The following GRXCR1 variants were observed in gnomAD, a reference collection of about 807,000 sequenced individuals.
The protein encoded by GRXCR1 is glutaredoxin domain-containing cysteine-rich protein 1.
GRXCR1 carries 27 observed loss-of-function variants against 27.3 expected under a neutral mutation model. The observed-to-expected ratio is 0.99, with a 90% CI of 0.73 to 1.37. GRXCR1 has a LOEUF of 1.37. Ranked by LOEUF, GRXCR1 falls within the 40% of genes most tolerant of loss-of-function variation. The pLI is 0.00. For missense variants in GRXCR1, 379 were observed against 354.4 expected (o/e 1.07, Z -0.56); for synonymous variants, 122 against 131.1 (o/e 0.93, Z 0.47).
chr4:43,014,220 C>T (rs9968514), intron 2 of GRXCR1, among the ~76,000 whole-genome samples: 14,757 of 152,068 alleles, frequency 0.097, 1,488 homozygotes, highest in African/African-American at 0.26. Flanking sequence ...TGAACATTTT[C>T]CAGGCCTAAG....
chr4:42,918,002 A>C (rs1454656730), intron 1 of GRXCR1, among the ~76,000 whole-genome samples: 1 of 152,090 alleles, frequency 6.6e-6, no homozygotes, highest in Non-Finnish European at 1.5e-5. Context: ...ATATATTGAA[A>C]CTGAAATATA....
At chr4:42,990,037 T>A (rs541194632) in intron 2 of GRXCR1, among the ~76,000 whole-genome samples, 3 of 152,000 alleles carry the variant, frequency 2.0e-5, no homozygotes, top group Non-Finnish European at 4.4e-5. Flanking sequence ...GAGCATAGTA[T>A]ATAGCAGTTC....
chr4:42,906,504 G>A (rs1746596077), intron 1 of GRXCR1, among the ~76,000 whole-genome samples: 1 of 152,056 alleles, frequency 6.6e-6, no homozygotes, highest in Admixed American at 6.6e-5. Context: ...GTCACCTCAG[G>A]GGCTCCACAG....
At chr4:42,929,237 G>A (rs1004860553) in intron 1 of GRXCR1, among the ~76,000 whole-genome samples, 2 of 151,934 alleles carry the variant, frequency 1.3e-5, no homozygotes, top group African/African-American at 2.4e-5. Context: ...CTGTGAACAA[G>A]AGGCACCATT....
intron 1 of GRXCR1, among the ~76,000 whole-genome samples, chr4:42,914,918 A>G (rs1746851032): frequency 6.6e-6 from 1 of 150,696 alleles, no homozygotes; most frequent in South Asian, 2.1e-4. Flanking sequence ...CCTTTGCTTG[A>G]CTCTCATTTT....
chr4:42,904,052 T>A (rs1399512014), intron 1 of GRXCR1, among the ~76,000 whole-genome samples: 1 of 152,220 alleles, frequency 6.6e-6, no homozygotes, highest in Non-Finnish European at 1.5e-5. Flanking sequence ...CATGTAGGAA[T>A]GGACAGGGAG....
At chr4:42,949,162 T>C (rs1322490891) in intron 1 of GRXCR1, among the ~76,000 whole-genome samples, 2 of 151,656 alleles carry the variant, frequency 1.3e-5, no homozygotes, top group Non-Finnish European at 2.9e-5. Context: ...GAGACCCTCC[T>C]GGCCAATATG....
chr4:42,956,250 G>T (rs900809133), intron 1 of GRXCR1, among the ~76,000 whole-genome samples: 3 of 152,012 alleles, frequency 2.0e-5, no homozygotes, highest in Non-Finnish European at 1.5e-5. Context: ...ATCTAGGTCG[G>T]CTCTCTCAGA....
chr4:42,953,923 G>A lies in GRXCR1; in HGVS notation c.385-8969G>A, dbSNP rs186626848. ...ACAAATCCCCATGAAATAGGCACTA[G>A]TGTCTATATTTAAAGATAAGAAAAC... On this transcript the variant is annotated intron_variant, in intron 1 of 3. Transcript: ENST00000399770. 2.6e-5 allele frequency among the ~76,000 whole-genome samples: 4 copies of A among 152,116 alleles called. No individual in the cohort carries two copies. The East Asian group carries it at 7.8e-4, about 29-fold the overall frequency.
At chr4:42,983,619 G>A (rs545047244) in intron 2 of GRXCR1, among the ~76,000 whole-genome samples, 5 of 152,046 alleles carry the variant, frequency 3.3e-5, no homozygotes, top group East Asian at 3.9e-4. Flanking sequence ...TGATGGGTAT[G>A]GCATTGAATC....
chr4:42,990,281 T>A (rs1174755409), intron 2 of GRXCR1, among the ~76,000 whole-genome samples: 1 of 131,712 alleles, frequency 7.6e-6, no homozygotes, highest in Non-Finnish European at 1.6e-5. Context: ...AAGCCCCGCC[T>A]CCCGGGTTCA....
At chr4:42,943,365 G>A (rs1341545857) in intron 1 of GRXCR1, among the ~76,000 whole-genome samples, 1 of 152,036 alleles carries the variant, frequency 6.6e-6, no homozygotes, top group Non-Finnish European at 1.5e-5. Context: ...CTAGTTTAGT[G>A]GTCCTGGGAA....
In GRXCR1 at chr4:43,024,197, C is replaced by CTTTTTTTTTTT. The variant is rs60704333; in HGVS notation, c.693+3784_693+3794dup. ...GCCAACATAGTGTCCATTTTCTGTC[C>CTTTTTTTTTTT]TTTTTTTTTTTTTTTTGGTAAAGCT... On this transcript the variant is annotated intron_variant, in intron 3 of 3. Transcript: ENST00000399770. 2.0e-3 allele frequency among the ~76,000 whole-genome samples: 192 copies of CTTTTTTTTTTT among 94,200 alleles called. 7 individuals are homozygous for CTTTTTTTTTTT. The highest frequency in any genetic ancestry group is 6.9e-3 in the African/African-American group (156 of 22,696). 61.8% of individuals were successfully genotyped at this position (94,200 alleles called of 152,430 possible).
At chr4:43,013,415 G>A (rs1317972573) in intron 2 of GRXCR1, among the ~76,000 whole-genome samples, 1 of 152,104 alleles carries the variant, frequency 6.6e-6, no homozygotes, top group Non-Finnish European at 1.5e-5. Context: ...TCATTTATAA[G>A]GGGGAGCTAA....
chr4:42,928,192 T>A (rs1346970683), intron 1 of GRXCR1, among the ~76,000 whole-genome samples: 2 of 151,924 alleles, frequency 1.3e-5, no homozygotes, highest in African/African-American at 2.4e-5. Context: ...ATTGGAGTAT[T>A]AGGTAGTACT....
At chr4:42,985,911 T>C (rs1036025449) in intron 2 of GRXCR1, among the ~76,000 whole-genome samples, 1 of 152,218 alleles carries the variant, frequency 6.6e-6, no homozygotes, top group Non-Finnish European at 1.5e-5. Flanking sequence ...GGAAAATGCA[T>C]ATATTTTCTC....
At chr4:43,026,820 G>A (rs1284432616) in intron 3 of GRXCR1, among the ~76,000 whole-genome samples, 3 of 152,208 alleles carry the variant, frequency 2.0e-5, no homozygotes, top group Non-Finnish European at 2.9e-5. Flanking sequence ...GTGAGAAGGG[G>A]GCAAAGACTC....
At chr4:42,903,488 T>C (rs1746514613) in intron 1 of GRXCR1, among the ~76,000 whole-genome samples, 1 of 146,240 alleles carries the variant, frequency 6.8e-6, no homozygotes, top group East Asian at 2.4e-4. Flanking sequence ...ATTTTTTGTA[T>C]TTTTTAGTAG....
At chr4:42,951,130 C>T (rs1357634610) in intron 1 of GRXCR1, among the ~76,000 whole-genome samples, 1 of 152,132 alleles carries the variant, frequency 6.6e-6, no homozygotes, top group Non-Finnish European at 1.5e-5. Context: ...GCATAAGATT[C>T]AGAAGCACCA....
Sources: allele counts gnomAD v4.1 joint callset (sites outside exome capture counted in the v4.1 genomes callset), GRCh38; gene constraint gnomAD v4.1.1; transcripts MANE v1.5; gene names NCBI Gene and HGNC (gene_info 2026-07-23, HGNC 2026-07-21).